The following NALF1 variants were observed in gnomAD, a reference collection of about 807,000 sequenced individuals.
The protein encoded by NALF1 is NALCN channel auxiliary factor 1.
In NALF1, 3 loss-of-function variants were observed where a neutral mutation model predicts 48.4. The ratio of observed to expected loss-of-function variants is 0.06; its 90% CI spans 0.03 to 0.16. The LOEUF is 0.16. NALF1 is among the 10% of genes least tolerant of loss of function. The pLI, the probability that NALF1 is intolerant of heterozygous loss-of-function variation, is 1.00. For synonymous variants in NALF1, 262 were observed against 245.7 expected, an observed-to-expected ratio of 1.07 and a Z score of -0.62; for missense variants, 526 against 571.5, an observed-to-expected ratio of 0.92 and a Z score of 0.81.
chr13:107,657,171 T>TA (rs11435074), intron 1 of NALF1, among the ~76,000 whole-genome samples: 46,355 of 149,984 alleles, frequency 0.31, 7,981 homozygotes, highest in East Asian at 0.71. Flanking sequence ...CCTATTGAAA[T>TA]AAAAAAAAAA....
intron 1 of NALF1, among the ~76,000 whole-genome samples, chr13:107,462,976 G>A (rs2139044631): frequency 6.6e-6 from 1 of 152,266 alleles, no homozygotes; most frequent in East Asian, 1.9e-4. Context: ...TGGAGCCTGA[G>A]GGTGGTCTTG....
intron 1 of NALF1, among the ~76,000 whole-genome samples, chr13:107,797,121 T>C (rs1235013920): frequency 1.3e-5 from 2 of 152,222 alleles, no homozygotes; most frequent in Non-Finnish European, 2.9e-5. Context: ...CCAGATCCCC[T>C]TGCTCCCTTG....
At chr13:107,479,572 T>A (rs1212113885) in intron 1 of NALF1, among the ~76,000 whole-genome samples, 1 of 152,102 alleles carries the variant, frequency 6.6e-6, no homozygotes, top group Non-Finnish European at 1.5e-5. Context: ...GGAATTAGAA[T>A]GGTTAAACAG....
chr13:107,346,563 T>G (rs1882776332), intron 1 of NALF1, among the ~76,000 whole-genome samples: 1 of 152,166 alleles, frequency 6.6e-6, no homozygotes, highest in Admixed American at 6.5e-5. Context: ...CAGATGGTTA[T>G]GAAGTAATCA....
chr13:107,862,333 A>G (rs1451416393), intron 1 of NALF1, among the ~76,000 whole-genome samples: 7 of 152,186 alleles, frequency 4.6e-5, no homozygotes. Flanking sequence ...CATGTTTATA[A>G]TAAATATTTG....
intron 1 of NALF1, among the ~76,000 whole-genome samples, chr13:107,231,058 CAAAA>C (rs3072074): frequency 0.05 from 4,190 of 83,610 alleles, 58 homozygotes; most frequent in South Asian, 0.13. Flanking sequence ...AAGACCCGGC[CAAAA>C]AAAAAAAAAA....
At chr13:107,734,434 T>C (rs1876407540) in intron 1 of NALF1, among the ~76,000 whole-genome samples, 1 of 149,158 alleles carries the variant, frequency 6.7e-6, no homozygotes, top group African/African-American at 2.5e-5. Flanking sequence ...ACACACACAA[T>C]GGAATTAAGG....
At chr13:107,823,610 G>C (rs960350326) in intron 1 of NALF1, among the ~76,000 whole-genome samples, 16 of 86,126 alleles carry the variant, frequency 1.9e-4, no homozygotes, top group South Asian at 5.3e-4. Context: ...GAAGGCCTTG[G>C]TACTCTCCCT....
At chr13:107,283,297 C>T (rs1282680587) in intron 1 of NALF1, among the ~76,000 whole-genome samples, 1 of 152,080 alleles carries the variant, frequency 6.6e-6, no homozygotes, top group African/African-American at 2.4e-5. Context: ...TAAACATGTA[C>T]ACAAGTGACA....
intron 1 of NALF1, among the ~76,000 whole-genome samples, chr13:107,801,843 T>C (rs891407192): frequency 6.6e-6 from 1 of 151,506 alleles, no homozygotes; most frequent in Non-Finnish European, 1.5e-5. Context: ...TTCCTTCCCC[T>C]TTCCTCTTCG....
At chr13:107,746,028 G>A (rs12875024) in intron 1 of NALF1, among the ~76,000 whole-genome samples, 9,246 of 152,152 alleles carry the variant, frequency 0.061, 419 homozygotes, top group South Asian at 0.15. Context: ...AGACTTCCTC[G>A]GAGTGTTGTT....
chr13:107,741,781 T>C (rs1220360967), intron 1 of NALF1, among the ~76,000 whole-genome samples: 2 of 152,120 alleles, frequency 1.3e-5, no homozygotes, highest in Admixed American at 1.3e-4. Flanking sequence ...CATGAGGACC[T>C]CTGAAGGAGA....
chr13:107,407,075 T>G (rs1356616152), intron 1 of NALF1, among the ~76,000 whole-genome samples: 1 of 151,964 alleles, frequency 6.6e-6, no homozygotes, highest in Admixed American at 6.6e-5. Flanking sequence ...TACAGAAGAA[T>G]GAAACTCAGA....
chr13:107,225,077 C>G (rs140294269), intron 1 of NALF1, among the ~76,000 whole-genome samples: 1 of 152,126 alleles, frequency 6.6e-6, no homozygotes, highest in African/African-American at 2.4e-5. Flanking sequence ...GGCACAATCT[C>G]GGCTCACTGC....
At chr13:107,374,006 T>C (rs565864333) in intron 1 of NALF1, among the ~76,000 whole-genome samples, 1 of 152,232 alleles carries the variant, frequency 6.6e-6, no homozygotes, top group African/African-American at 2.4e-5. Context: ...ATAAAAACAT[T>C]TGGGACGTTT....
At chr13:107,346,440 C>T (rs1028030851) in intron 1 of NALF1, among the ~76,000 whole-genome samples, 2 of 151,962 alleles carry the variant, frequency 1.3e-5, no homozygotes, top group African/African-American at 2.4e-5. Context: ...ACATATTCTG[C>T]CTTTAAAAAG....
intron 1 of NALF1, among the ~76,000 whole-genome samples, chr13:107,267,969 GT>G (rs1174191091): frequency 7.0e-6 from 1 of 142,240 alleles, no homozygotes; most frequent in Non-Finnish European, 1.5e-5. Flanking sequence ...CACATGAATT[GT>G]TTTTTTCTGG....
At chr13:107,303,359 G>A (rs536389684) in intron 1 of NALF1, among the ~76,000 whole-genome samples, 59 of 152,162 alleles carry the variant, frequency 3.9e-4, no homozygotes, top group South Asian at 6.2e-4. Flanking sequence ...CATATCAAGC[G>A]ATATACAATG....
At chr13:107,445,978 C>A (rs142748109) in intron 1 of NALF1, among the ~76,000 whole-genome samples, 1 of 151,774 alleles carries the variant, frequency 6.6e-6, no homozygotes, top group African/African-American at 2.4e-5. Flanking sequence ...CTCGCTTTGT[C>A]GTCAGGCTGG....
Sources: gnomAD v4.1 joint callset for allele counts (sites outside exome capture counted in the v4.1 genomes callset) on GRCh38, gnomAD v4.1.1 for gene constraint, MANE v1.5 for transcripts, NCBI Gene and HGNC (gene_info 2026-07-23, HGNC 2026-07-21) for gene names.